Variants in RIPK1 observed in about 807,000 individuals in gnomAD.
RIPK1 encodes receptor-interacting serine/threonine-protein kinase 1.
RIPK1 carries 27 observed loss-of-function variants against 62.4 expected under a neutral mutation model. The ratio of observed to expected loss-of-function variants is 0.43; its 90% CI spans 0.32 to 0.60. The LOEUF is 0.60. Ranked by LOEUF, RIPK1 falls within the 20% of genes least tolerant of loss-of-function variation. The pLI, the probability that RIPK1 is intolerant of heterozygous loss-of-function variation, is 0.07. For synonymous variants in RIPK1, 287 were observed against 303.2 expected (o/e 0.95, Z 0.55); for missense variants, 735 against 831.0 (o/e 0.88, Z 1.42).
chr6:3,080,633 T>G (rs1230881354), intron 3 of RIPK1, among the ~76,000 whole-genome samples: 1 of 152,220 alleles, frequency 6.6e-6, no homozygotes, highest in Non-Finnish European at 1.5e-5. Context: ...TATTCATCCA[T>G]TCATTCAACA....
At chr6:3,110,405 C>CA (rs1303329430) in intron 9 of RIPK1, among the ~76,000 whole-genome samples, 19 of 151,844 alleles carry the variant, frequency 1.3e-4, no homozygotes, top group African/African-American at 3.9e-4. Flanking sequence ...GAAGGGGTTT[C>CA]ACCATGTTGG....
intron 6 of RIPK1, among the ~76,000 whole-genome samples, chr6:3,087,781 A>C (rs17548411): frequency 0.11 from 8,418 of 75,048 alleles, 766 homozygotes; most frequent in African/African-American, 0.22. Context: ...CCTTGTGATC[A>C]GCCCGCCTCG....
chr6:3,078,631 C>T (rs750265438), intron 3 of RIPK1, among the ~76,000 whole-genome samples: 2 of 152,098 alleles, frequency 1.3e-5, no homozygotes, highest in Non-Finnish European at 2.9e-5. Context: ...TATAAATGAC[C>T]GTGAGAGCAG....
chr6:3,076,908 G>A lies in RIPK1; in HGVS notation c.85G>A (p.Gly29Arg), dbSNP rs774075380. 8.7e-6 allele frequency: 14 copies of A among 1,611,952 alleles called. No individual in the cohort carries two copies. The East Asian group carries it at 1.1e-4, about 13-fold the overall frequency. Residue 29 changes from glycine to arginine, a missense_variant, in exon 2 of 11, where the codon GGG becomes AGG. By Grantham distance (125) the Gly-to-Arg change is moderately radical. Transcript: ENST00000259808. ...ESAELDSGGF[G>R]KVSLCFHRTQ... ...TGCAGAACTGGACAGCGGAGGCTTTGGGAAGGTGTCTCTGTGTTTCCACAG... is the reference window on the plus strand; with the variant it reads ...TGCAGAACTGGACAGCGGAGGCTTTAGGAAGGTGTCTCTGTGTTTCCACAG...
intron 9 of RIPK1, among the ~76,000 whole-genome samples, chr6:3,106,417 T>C (rs1581434769): frequency 6.6e-6 from 1 of 152,342 alleles, no homozygotes; most frequent in Non-Finnish European, 1.5e-5. Flanking sequence ...AAGAAATCAG[T>C]CTTGGATATT....
At chr6:3,111,262 A>G (rs1189368077) in intron 10 of RIPK1, among the ~76,000 whole-genome samples, 2 of 152,232 alleles carry the variant, frequency 1.3e-5, no homozygotes, top group Non-Finnish European at 2.9e-5. Context: ...TTTCATCATC[A>G]TCATCATCAG....
chr6:3,072,023 T>G lies in RIPK1; in HGVS notation c.-61+3362T>G, dbSNP rs947352072. On this transcript the variant is annotated intron_variant, in intron 1 of 10. Transcript: ENST00000259808. The surrounding 1 kb of genome is among the most constrained non-coding windows in gnomAD (Gnocchi z 5.6). ...ATTAAACATTCTTTCACAACATCGC[T>G]TTTGCAAACTGCTAGATATATTTCA... Among the ~76,000 whole-genome samples, 2 of 152,226 alleles carry G rather than the reference T, an allele frequency of 1.3e-5. No individual in the cohort carries two copies. The highest frequency in any genetic ancestry group is 3.8e-4 in the East Asian group (2 of 5,204).
chr6:3,109,326 G>A (rs1387314420), intron 9 of RIPK1, among the ~76,000 whole-genome samples: 1 of 152,114 alleles, frequency 6.6e-6, no homozygotes, highest in Non-Finnish European at 1.5e-5. Context: ...ACGTGGGGAG[G>A]TCAGCAGTCC....
At chr6:3,065,108 A>C (rs1191988895), upstream of RIPK1, among the ~76,000 whole-genome samples, 1 of 151,478 alleles carries the variant, frequency 6.6e-6, no homozygotes, top group South Asian at 2.1e-4. Flanking sequence ...ATACAAAAAA[A>C]TAGCCGGGCG....
Position 3,113,457 on chromosome 6 carries a change from G to T in RIPK1, c.*118G>T. On this transcript the variant is annotated 3_prime_UTR_variant, in exon 11 of 11. Coordinates refer to ENST00000259808, the MANE Select transcript of RIPK1 (RefSeq NM_001354930.2). This position sits in a 1 kb window ranked among gnomAD's most constrained non-coding sequence, Gnocchi z 5.0. ...CACTGATAGGGGTTCTGTGTCTGCA[G>T]AAATTTTGTTTCCTGTACTTCATAG... The T allele has an allele frequency of 1.0e-6, 1 of 987,778 alleles. No individual in the cohort carries two copies. The allele number at this position is 987,778 out of a possible 1,614,324, so 61.2% of individuals were successfully genotyped here.
chr6:3,083,360 G>T (rs369485076), intron 5 of RIPK1, 47 bp downstream of exon 5: 9 of 1,499,154 alleles, frequency 6.0e-6, no homozygotes, highest in South Asian at 1.2e-5. Flanking sequence ...GCATCTACAC[G>T]CACTGTGCCT....
intron 7 of RIPK1, among the ~76,000 whole-genome samples, chr6:3,097,174 ATC>A (rs561118945): frequency 9.4e-4 from 143 of 152,246 alleles, no homozygotes; most frequent in African/African-American, 2.7e-3. Context: ...CCCAGCCTAT[ATC>A]TCAACCTTTT....
intron 7 of RIPK1, among the ~76,000 whole-genome samples, chr6:3,090,856 T>TACCTGCCGCACCTAGTAACCGCAGCGC (rs1561763204): frequency 2.3e-5 from 1 of 43,494 alleles, no homozygotes; most frequent in Non-Finnish European, 3.5e-5. Context: ...AACCGCAGAG[T>TACCTGCCGCACCTAGTAACCGCAGCGC]ACCTACCTGC....
At chr6:3,071,841 G>C (rs1311356495) in intron 1 of RIPK1, among the ~76,000 whole-genome samples, 3 of 152,116 alleles carry the variant, frequency 2.0e-5, no homozygotes, top group Non-Finnish European at 4.4e-5. Flanking sequence ...GGTCCTAGTT[G>C]GTCTTGACAA....
At position 3,110,980 on chromosome 6, in the gene RIPK1, C is replaced by T. The variant is rs571459668; in HGVS notation, c.1729+25C>T. Reference sequence around the variant, plus strand: ...GGTAAGATACCCTGGAAGGACTCAACGCCTAGCAACCTTGAACTTTCTTAC... The same window carrying T: ...GGTAAGATACCCTGGAAGGACTCAATGCCTAGCAACCTTGAACTTTCTTAC... On this transcript the variant is annotated intron_variant, in intron 10 of 10. Coordinates refer to ENST00000259808, the MANE Select transcript of RIPK1 (RefSeq NM_001354930.2). The T allele has an allele frequency of 1.8e-5, 28 of 1,546,064 alleles. No individual in the cohort carries two copies. The East Asian group carries it at 2.1e-4, about 12-fold the overall frequency.
At chr6:3,080,942 C>G in intron 3 of RIPK1, 37 bp from the exon 4 acceptor site, 1 of 1,603,008 alleles carries the variant, frequency 6.2e-7, no homozygotes. Flanking sequence ...TATTTGATAA[C>G]CTTTCCATTT....
chr6:3,065,565 C>G (rs1758346500), upstream of RIPK1, among the ~76,000 whole-genome samples: 1 of 151,740 alleles, frequency 6.6e-6, no homozygotes, highest in Non-Finnish European at 1.5e-5. Flanking sequence ...GGAAAGGAGT[C>G]AGGGAGGTCT....
intron 6 of RIPK1, among the ~76,000 whole-genome samples, chr6:3,087,125 G>A (rs760561032): frequency 5.3e-5 from 8 of 152,020 alleles, no homozygotes; most frequent in Non-Finnish European, 8.8e-5. Context: ...TATAGGGAAG[G>A]TGTTATTTTT....
At chr6:3,074,075 C>T (rs1203769150) in intron 1 of RIPK1, among the ~76,000 whole-genome samples, 1 of 152,192 alleles carries the variant, frequency 6.6e-6, no homozygotes, top group African/African-American at 2.4e-5. Flanking sequence ...GTAAAATTTA[C>T]CTGCTGTTGT....
Sources: allele counts gnomAD v4.1 joint callset (sites outside exome capture counted in the v4.1 genomes callset), GRCh38; gene constraint gnomAD v4.1.1; non-coding constraint Gnocchi (gnomAD v3.1); transcripts MANE v1.5; gene names NCBI Gene and HGNC (gene_info 2026-07-23, HGNC 2026-07-21).